The following FILIP1L variants were observed in gnomAD, a reference collection of about 807,000 sequenced individuals.
The protein encoded by FILIP1L is filamin A interacting protein 1 like.
FILIP1L carries 55 observed loss-of-function variants against 96.6 expected under a neutral mutation model. The observed-to-expected ratio is 0.57, with a 90% confidence interval of 0.46 to 0.71. FILIP1L has a LOEUF of 0.71. Ranked by LOEUF, FILIP1L falls within the 30% of genes least tolerant of loss-of-function variation. The pLI, the probability that FILIP1L is intolerant of heterozygous loss-of-function variation, is 0.00. For synonymous variants in FILIP1L, 467 were observed against 473.9 expected, an observed-to-expected ratio of 0.99 and a Z score of 0.19; for missense variants, 1,304 against 1,321.2, an observed-to-expected ratio of 0.99 and a Z score of 0.20.
chr3:99,935,760 T>C (rs1351518064), intron 1 of FILIP1L, among the ~76,000 whole-genome samples: 1 of 152,216 alleles, frequency 6.6e-6, no homozygotes, highest in Non-Finnish European at 1.5e-5. Context: ...CAGTTGGCAG[T>C]GAGAAGTAGA....
intron 1 of FILIP1L, among the ~76,000 whole-genome samples, chr3:100,093,383 G>A (rs2066146644): frequency 6.6e-6 from 1 of 151,884 alleles, no homozygotes; most frequent in African/African-American, 2.4e-5. Flanking sequence ...TAAAGATTTT[G>A]ATACATATTT....
intron 1 of FILIP1L, among the ~76,000 whole-genome samples, chr3:100,039,566 A>C (rs2065166152): frequency 6.6e-6 from 1 of 152,208 alleles, no homozygotes; most frequent in Admixed American, 6.5e-5. Context: ...GAAAAGCCAG[A>C]TACCAAATAA....
chr3:100,013,138 A>G (rs1710211698), intron 1 of FILIP1L, among the ~76,000 whole-genome samples: 1 of 152,012 alleles, frequency 6.6e-6, no homozygotes, highest in Non-Finnish European at 1.5e-5. Flanking sequence ...TGGCCTCCCA[A>G]AGTGCTGGGA....
chr3:99,958,059 C>CT (rs201659331), intron 1 of FILIP1L, among the ~76,000 whole-genome samples: 1,401 of 139,492 alleles, frequency 0.01, 23 homozygotes, highest in East Asian at 0.063. Context: ...AATGTCACTT[C>CT]TTTTTTTTTT....
chr3:100,103,489 A>T (rs187741068), intron 1 of FILIP1L, among the ~76,000 whole-genome samples: 1 of 152,228 alleles, frequency 6.6e-6, no homozygotes, highest in African/African-American at 2.4e-5. Context: ...CTGAAGATCT[A>T]GAGTCTTTAG....
chr3:99,872,158 G>A (rs1414593144), intron 4 of FILIP1L, among the ~76,000 whole-genome samples: 2 of 151,974 alleles, frequency 1.3e-5, no homozygotes, highest in Non-Finnish European at 2.9e-5. Context: ...TGTGTCTCTG[G>A]GGCAAGTCAC....
chr3:99,903,206 T>G (rs1194880949), intron 4 of FILIP1L, among the ~76,000 whole-genome samples: 1 of 151,914 alleles, frequency 6.6e-6, no homozygotes, highest in African/African-American at 2.4e-5. Context: ...AGCTGGCACG[T>G]CATAAATCTG....
rs144426680 is a variant in FILIP1L at position 100,000,777 on chromosome 3, G to A, written c.-10-69747C>T. Among the ~76,000 whole-genome samples, 541 of 152,310 alleles carry A rather than the reference G, an allele frequency of 3.6e-3. 12 individuals carry two copies. Among genetic ancestry groups the A allele is most frequent in the East Asian group, 2.3e-3 (12 of 5,178 alleles). On this transcript the variant is annotated intron_variant, in intron 1 of 5. Transcript: ENST00000477258. ...AGGAGTAGCCACTGTTTACAGTTTG[G>A]TGTTTATTGTTTGAAGTGTATTGAA...
At chr3:99,984,333 A>G (rs1709268860) in intron 1 of FILIP1L, among the ~76,000 whole-genome samples, 1 of 152,248 alleles carries the variant, frequency 6.6e-6, no homozygotes, top group South Asian at 2.1e-4. Flanking sequence ...AGAGCCAAGA[A>G]TGAAAACCAC....
At position 99,848,452 on chromosome 3, in the gene FILIP1L, G is replaced by T. The variant is rs750024164; in HGVS notation, c.3224C>A (p.Ala1075Asp). The T allele has an allele frequency of 6.2e-7, 1 of 1,614,168 alleles. No homozygotes were observed. The highest frequency in any genetic ancestry group is 1.7e-5 in the Admixed American group (1 of 60,020). ...AGGGCTGGCAGGTCTCACAGGGCTGGCTACAGCTTGCATGTAAGGACTTCC... is the reference window on the plus strand; with the variant it reads ...AGGGCTGGCAGGTCTCACAGGGCTGTCTACAGCTTGCATGTAAGGACTTCC... ...HLGSPYMQAV[A>D]SPVRPASPSA... Residue 1075 changes from alanine to aspartate, a missense_variant, in exon 5 of 6, where the codon GCC becomes GAC. Transcript: ENST00000477258.
chr3:99,856,628 T>G (rs1158824358), intron 4 of FILIP1L, among the ~76,000 whole-genome samples: 1 of 152,232 alleles, frequency 6.6e-6, no homozygotes, highest in East Asian at 1.9e-4. Flanking sequence ...TTACTGTGGT[T>G]TATCACTATT....
At chr3:100,086,453 CT>C (rs1271442092) in intron 1 of FILIP1L, among the ~76,000 whole-genome samples, 1 of 152,156 alleles carries the variant, frequency 6.6e-6, no homozygotes, top group African/African-American at 2.4e-5. Flanking sequence ...CTTATCTGTG[CT>C]TTCTCACTTA....
intron 1 of FILIP1L, among the ~76,000 whole-genome samples, chr3:100,073,781 C>G (rs2065801191): frequency 6.6e-6 from 1 of 152,122 alleles, no homozygotes; most frequent in Non-Finnish European, 1.5e-5. Flanking sequence ...CTGTTTGATT[C>G]CTCTGTGGGT....
intron 4 of FILIP1L, among the ~76,000 whole-genome samples, chr3:99,916,485 C>T (rs903330133): frequency 4.7e-5 from 7 of 148,322 alleles, no homozygotes; most frequent in Admixed American, 1.4e-4. Context: ...CACACACACA[C>T]GTTCTGTTTC....
intron 4 of FILIP1L, among the ~76,000 whole-genome samples, chr3:99,888,504 A>G (rs1358019003): frequency 1.3e-5 from 2 of 152,212 alleles, no homozygotes; most frequent in Non-Finnish European, 2.9e-5. Context: ...ACAAAACAAA[A>G]CAAAACAAAA....
chr3:99,852,137 A>G, intron 4 of FILIP1L, among the ~76,000 whole-genome samples: 1 of 152,236 alleles, frequency 6.6e-6, no homozygotes, highest in East Asian at 1.9e-4. Flanking sequence ...TAGTGAGGTC[A>G]AAGTTTTAAA....
chr3:99,881,535 CTCTT>C (rs1446372619), intron 4 of FILIP1L, among the ~76,000 whole-genome samples: 1 of 149,630 alleles, frequency 6.7e-6, no homozygotes, highest in Admixed American at 6.6e-5. Context: ...ATCTCTCTCT[CTCTT>C]TTTTTTTTTT....
At chr3:100,089,523 T>A (rs2066067562) in intron 1 of FILIP1L, among the ~76,000 whole-genome samples, 1 of 152,174 alleles carries the variant, frequency 6.6e-6, no homozygotes, top group Non-Finnish European at 1.5e-5. Context: ...CACCTATAAG[T>A]CAAAGCCTCA....
chr3:100,003,530 A>G (rs1709903081), intron 1 of FILIP1L, among the ~76,000 whole-genome samples: 1 of 152,200 alleles, frequency 6.6e-6, no homozygotes, highest in Non-Finnish European at 1.5e-5. Context: ...TCCATTTTGT[A>G]GATGGCCCAG....
Sources: gnomAD v4.1 joint callset for allele counts (sites outside exome capture counted in the v4.1 genomes callset) on GRCh38, gnomAD v4.1.1 for gene constraint, MANE v1.5 for transcripts, NCBI Gene and HGNC (gene_info 2026-07-23, HGNC 2026-07-21) for gene names.